Variants in EDNRB observed in about 807,000 individuals in gnomAD.
EDNRB encodes endothelin receptor type B.
EDNRB carries 18 observed loss-of-function variants against 46.4 expected under a neutral mutation model. The observed-to-expected ratio is 0.39, with a 90% CI of 0.27 to 0.57. The LOEUF is 0.57. Ranked by LOEUF, EDNRB falls within the 20% of genes least tolerant of loss-of-function variation. The pLI, the probability that EDNRB is intolerant of heterozygous loss-of-function variation, is 0.61. For synonymous variants in EDNRB, 213 were observed against 204.9 expected (o/e 1.04, Z -0.34); for missense variants, 434 against 537.5 (o/e 0.81, Z 1.90).
At chr13:77,966,872 A>G (rs1881597752) in intron 1 of EDNRB, among the ~76,000 whole-genome samples, 1 of 152,178 alleles carries the variant, frequency 6.6e-6, no homozygotes, top group Non-Finnish European at 1.5e-5. Flanking sequence ...GTTATGTAAC[A>G]CTAAATAGTT....
chr13:77,944,083 G>T (rs12720147), intron 1 of EDNRB, among the ~76,000 whole-genome samples: 2,207 of 152,072 alleles, frequency 0.015, 46 homozygotes, highest in East Asian at 0.024. Flanking sequence ...TAAACATTCT[G>T]GAGGACAAAT....
Position 77,897,982 on chromosome 13 carries a change from A to G in EDNRB, c.*218T>C. ...CTGTAAAAAATTAAGTGCTTTCACG[A>G]CGAGGCTTTCTTAATTCCCACTGAT... On this transcript the variant is annotated 3_prime_UTR_variant, in exon 7 of 7. Coordinates refer to ENST00000646607, the MANE Select transcript of EDNRB (RefSeq NM_001122659.3). The G allele has an allele frequency of 7.4e-7, 1 of 1,345,592 alleles. No individual in the cohort carries two copies. Among genetic ancestry groups the G allele is most frequent in the Non-Finnish European group, 9.6e-7 (1 of 1,046,674 alleles). The allele number at this position is 1,345,592 out of a possible 1,614,324, so 83.4% of individuals were successfully genotyped here. A position where few individuals can be genotyped will look rare whatever the true frequency, so the allele number is the denominator to read the frequency against.
intron 1 of EDNRB, among the ~76,000 whole-genome samples, chr13:77,926,362 C>T (rs1355758713): frequency 6.6e-6 from 1 of 152,194 alleles, no homozygotes; most frequent in Non-Finnish European, 1.5e-5. Context: ...TTAACAGCAC[C>T]TAAGTCACTT....
At position 77,896,308 on chromosome 13, in the gene EDNRB, G is replaced by T; in HGVS notation, c.*1892C>A. The T allele has an allele frequency of 1.3e-6, 1 of 790,980 alleles. No individual in the cohort carries two copies. Among genetic ancestry groups the T allele is most frequent in the Non-Finnish European group, 1.8e-6 (1 of 554,568 alleles). 49.0% of individuals were successfully genotyped at this position (790,980 alleles called of 1,614,324 possible). A position where few individuals can be genotyped will look rare whatever the true frequency, so the allele number is the denominator to read the frequency against. ...ATATTAATAAACTGTGAAAATATTA[G>T]TGATTCAAAATTAATTTAAAATTGA... On this transcript the variant is annotated 3_prime_UTR_variant, in exon 7 of 7. Transcript: ENST00000646607.
At chr13:77,954,781 A>G (rs1477769736) in intron 1 of EDNRB, among the ~76,000 whole-genome samples, 2 of 152,126 alleles carry the variant, frequency 1.3e-5, no homozygotes, top group Non-Finnish European at 2.9e-5. Flanking sequence ...TGCTGGGATT[A>G]CAGGTGTGAG....
chr13:77,926,170 T>G (rs1880231185), intron 1 of EDNRB, among the ~76,000 whole-genome samples: 1 of 152,190 alleles, frequency 6.6e-6, no homozygotes, highest in Admixed American at 6.5e-5. Flanking sequence ...TGGGACATTT[T>G]CCCCATGGTC....
chr13:77,898,166 T>A lies in EDNRB; in HGVS notation c.*34A>T. The A allele has an allele frequency of 6.2e-7, 1 of 1,607,036 alleles. No homozygotes were observed. The highest frequency in any genetic ancestry group is 1.1e-5 in the South Asian group (1 of 90,604). Reference sequence around the variant, plus strand: ...TTGTTTTAATGACTTCGGTCCAATATAAAGAAAATGAAATACAGTGAATAG... The same window carrying A: ...TTGTTTTAATGACTTCGGTCCAATAAAAAGAAAATGAAATACAGTGAATAG... On this transcript the variant is annotated 3_prime_UTR_variant, in exon 7 of 7. Transcript: ENST00000646607.
chr13:77,935,481 G>C (rs931705493), intron 1 of EDNRB, among the ~76,000 whole-genome samples: 4 of 152,184 alleles, frequency 2.6e-5, no homozygotes, highest in African/African-American at 4.8e-5. Flanking sequence ...GGTTTTGTTA[G>C]GATGGCAAAA....
At chr13:77,950,752 T>C (rs1427526457) in intron 1 of EDNRB, among the ~76,000 whole-genome samples, 1 of 152,238 alleles carries the variant, frequency 6.6e-6, no homozygotes, top group African/African-American at 2.4e-5. Context: ...GCTCTTTCTC[T>C]TGTTTTTACA....
At chr13:77,930,234 G>C (rs1594380804) in intron 1 of EDNRB, among the ~76,000 whole-genome samples, 1 of 152,244 alleles carries the variant, frequency 6.6e-6, no homozygotes, top group East Asian at 1.9e-4. Context: ...ATAAGCACTT[G>C]AAAATAAACC....
At chr13:77,949,615 A>T (rs539373078) in intron 1 of EDNRB, among the ~76,000 whole-genome samples, 1 of 152,184 alleles carries the variant, frequency 6.6e-6, no homozygotes, top group Non-Finnish European at 1.5e-5. Context: ...AAACCAAGGT[A>T]TCTAAGTCCG....
rs562203203 is a variant in EDNRB, at chr13:77,963,429, C to T, written c.-52+11918G>A. Among the ~76,000 whole-genome samples, 4 of 152,120 alleles carry T rather than the reference C, an allele frequency of 2.6e-5. No homozygotes were observed. The East Asian group carries it at 7.7e-4, about 29-fold the overall frequency. On this transcript the variant is annotated intron_variant, in intron 1 of 7. Coordinates refer to the EDNRB transcript ENST00000646948. ...ACTGGTACCAAAACAGAGATATAGACCAGTGGAACAGAACAGAGCCCTCAG... is the reference window on the plus strand; with the variant it reads ...ACTGGTACCAAAACAGAGATATAGATCAGTGGAACAGAACAGAGCCCTCAG...
intron 1 of EDNRB, among the ~76,000 whole-genome samples, chr13:77,966,818 T>G (rs1237366698): frequency 1.3e-5 from 2 of 152,198 alleles, no homozygotes; most frequent in African/African-American, 4.8e-5. Context: ...ATGATGACAT[T>G]TGTGCAGTTT....
intron 1 of EDNRB, among the ~76,000 whole-genome samples, chr13:77,942,630 T>C (rs1450948742): frequency 6.6e-6 from 1 of 152,146 alleles, no homozygotes; most frequent in Non-Finnish European, 1.5e-5. Context: ...CAATTGGCAA[T>C]ATGCAAACAA....
chr13:77,913,542 GA>G (rs1208603308), intron 1 of EDNRB, among the ~76,000 whole-genome samples: 2 of 152,146 alleles, frequency 1.3e-5, no homozygotes, highest in African/African-American at 4.8e-5. Context: ...ACACATAAAG[GA>G]AGCTATATTT....
rs1033388767 is a variant in EDNRB, at chr13:77,903,138, A to T, written c.801+18T>A. On this transcript the variant is annotated intron_variant, in intron 3 of 6. Coordinates refer to ENST00000646607, the MANE Select transcript of EDNRB (RefSeq NM_001122659.3). Reference sequence around the variant, plus strand: ...ATAAGGCAAGAGCAGAAAGGAAAATAAAAAAAGTGAAATTTACCTGCATGA... The same window carrying T: ...ATAAGGCAAGAGCAGAAAGGAAAATTAAAAAAGTGAAATTTACCTGCATGA... 1.5e-5 allele frequency: 24 copies of T among 1,611,578 alleles called. No homozygotes were observed. The highest frequency in any genetic ancestry group is 1.2e-4 in the Admixed American group (7 of 59,818).
Position 77,896,622 on chromosome 13 carries a change from C to T in EDNRB, c.*1578G>A. ...TTAAGACCGAGTTAAAGCTCTTGGG[C>T]CCAATTTATTTCGAAAGTCACTCTG... On this transcript the variant is annotated 3_prime_UTR_variant, in exon 7 of 7. Transcript: ENST00000646607. 3 of 1,529,520 alleles carry T rather than the reference C, an allele frequency of 2.0e-6. No homozygotes were observed. The highest frequency in any genetic ancestry group is 2.6e-6 in the Non-Finnish European group (3 of 1,139,012). The allele number at this position is 1,529,520 out of a possible 1,614,324, so 94.7% of individuals were successfully genotyped here. A position where few individuals can be genotyped will look rare whatever the true frequency, so the allele number is the denominator to read the frequency against.
chr13:77,952,208 G>A (rs947148738), intron 1 of EDNRB, among the ~76,000 whole-genome samples: 1 of 152,144 alleles, frequency 6.6e-6, no homozygotes, highest in Non-Finnish European at 1.5e-5. Flanking sequence ...GGACGTTCCC[G>A]AAAGTAGGAG....
At chr13:77,942,671 T>C (rs1880788284) in intron 1 of EDNRB, among the ~76,000 whole-genome samples, 1 of 152,148 alleles carries the variant, frequency 6.6e-6, no homozygotes, top group Non-Finnish European at 1.5e-5. Flanking sequence ...ATAACTGTAT[T>C]TACCCATATC....
Sources: gnomAD v4.1 joint callset for allele counts (sites outside exome capture counted in the v4.1 genomes callset) on GRCh38, gnomAD v4.1.1 for gene constraint, MANE v1.5 for transcripts, NCBI Gene and HGNC (gene_info 2026-07-23, HGNC 2026-07-21) for gene names.